Variants in SLC35E2B observed in about 807,000 individuals in gnomAD.
SLC35E2B encodes the protein solute carrier family 35 member E2B, also known as solute carrier family 35, member E2B.
SLC35E2B carries 18 observed loss-of-function variants against 32.4 expected under a neutral mutation model. The ratio of observed to expected loss-of-function variants is 0.56; its 90% CI spans 0.38 to 0.82. The LOEUF (loss-of-function observed/expected upper bound fraction) is 0.82, where lower values mean the gene tolerates loss of function less well. Ranked by LOEUF, SLC35E2B falls within the 40% of genes least tolerant of loss-of-function variation. The pLI is 0.00. For synonymous variants in SLC35E2B, 132 were observed against 209.1 expected (o/e 0.63, Z 3.18); for missense variants, 263 against 469.5 (o/e 0.56, Z 4.06).
chr1:1,682,521 T>C, intron 2 of SLC35E2B, among the ~76,000 whole-genome samples: 1 of 151,956 alleles, frequency 6.6e-6, no homozygotes, highest in South Asian at 2.1e-4. Context: ...GAGGGACGAA[T>C]CACAGACAGA....
intron 6 of SLC35E2B, 61 bp downstream of exon 6, chr1:1,671,448 A>C (rs763284111): frequency 1.5e-6 from 2 of 1,340,840 alleles, no homozygotes; most frequent in African/African-American, 1.5e-5. Context: ...GAATCTGCAC[A>C]CCCAGATGCA....
chr1:1,689,987 A>C (rs1319269028), intron 2 of SLC35E2B, among the ~76,000 whole-genome samples: 3 of 133,370 alleles, frequency 2.2e-5, no homozygotes, highest in Non-Finnish European at 5.0e-5. Flanking sequence ...ACCCTGTCTC[A>C]AAAAAAAAAA....
chr1:1,679,871 A>G (rs974974864), intron 2 of SLC35E2B, among the ~76,000 whole-genome samples: 50 of 150,548 alleles, frequency 3.3e-4, no homozygotes, highest in African/African-American at 9.8e-4. Flanking sequence ...GATGGCTCAC[A>G]CCTGTAATCC....
At chr1:1,679,124 A>G (rs1015638265) in intron 2 of SLC35E2B, among the ~76,000 whole-genome samples, 1 of 152,136 alleles carries the variant, frequency 6.6e-6, no homozygotes, top group East Asian at 1.9e-4. Context: ...AGGCTCTGCC[A>G]CCACCAGCGA....
At position 1,665,582 on chromosome 1, in the gene SLC35E2B, TCTACTCCA is replaced by T; in HGVS notation, c.*192_*199del. On this transcript the variant is annotated 3_prime_UTR_variant, in exon 10 of 10. Coordinates refer to ENST00000617444, the MANE Select transcript of SLC35E2B (RefSeq NM_001290264.2). ...GACACAGTCAGCTACTGGTCTGGTCTCTACTCCAGGAAGCTGATACCTGGAATCCCCAG... is the reference window on the plus strand; with the variant it reads ...GACACAGTCAGCTACTGGTCTGGTCTGGAAGCTGATACCTGGAATCCCCAG... 1 of 795,744 alleles carries T rather than the reference TCTACTCCA, an allele frequency of 1.3e-6. No homozygotes were observed. The highest frequency in any genetic ancestry group is 1.7e-5 in the African/African-American group (1 of 57,600). The allele number at this position is 795,744 out of a possible 1,614,324, so 49.3% of individuals were successfully genotyped here.
chr1:1,685,746 G>A (rs1024063066), intron 2 of SLC35E2B, among the ~76,000 whole-genome samples: 5 of 152,132 alleles, frequency 3.3e-5, no homozygotes, highest in African/African-American at 9.7e-5. Context: ...ATGTGGGTAC[G>A]CAGGTGATGG....
chr1:1,681,370 T>G (rs4076580), intron 2 of SLC35E2B, among the ~76,000 whole-genome samples: 16,551 of 146,830 alleles, frequency 0.11, 1,222 homozygotes, highest in Non-Finnish European at 0.17. Context: ...GCTAATTTTG[T>G]TTTTTTTTGT....
intron 2 of SLC35E2B, among the ~76,000 whole-genome samples, chr1:1,684,102 G>A (rs1038415034): frequency 1.3e-5 from 2 of 152,092 alleles, no homozygotes; most frequent in Non-Finnish European, 2.9e-5. Context: ...GGGCCGCAGG[G>A]TAGACACTCA....
In SLC35E2B at chr1:1,664,950, G is replaced by A. The variant is rs920548692; in HGVS notation, c.*832C>T. 2.1e-6 allele frequency: 2 copies of A among 960,044 alleles called. No individual in the cohort carries two copies. Among genetic ancestry groups the A allele is most frequent in the African/African-American group, 1.8e-5 (1 of 56,060 alleles). 59.5% of individuals were successfully genotyped at this position (960,044 alleles called of 1,614,324 possible). A position where few individuals can be genotyped will look rare whatever the true frequency, so the allele number is the denominator to read the frequency against. On this transcript the variant is annotated 3_prime_UTR_variant, in exon 10 of 10. Transcript: ENST00000617444. ...CATACTCAGAGTCCAAAAAAGAAAA[G>A]GAACGTACACATCTCCTCCCAAGTT...
At chr1:1,674,428 T>C (rs776867789) in intron 5 of SLC35E2B, 5 of 152,052 alleles carry the variant, frequency 3.3e-5, no homozygotes, top group East Asian at 3.8e-4. Flanking sequence ...CTAACGTATA[T>C]TCACAGTGAA....
intron 2 of SLC35E2B, among the ~76,000 whole-genome samples, chr1:1,681,840 C>T (rs1643901836): frequency 1.3e-5 from 2 of 150,764 alleles, no homozygotes. Context: ...AAAAAATTAG[C>T]CAGGCGTGGT....
At chr1:1,669,556 G>C in intron 8 of SLC35E2B, 108 bp downstream of exon 8, 1 of 1,201,820 alleles carries the variant, frequency 8.3e-7, no homozygotes, top group Non-Finnish European at 1.1e-6. Flanking sequence ...AGCGGAGCTG[G>C]GCCCAACCAG....
intron 2 of SLC35E2B, among the ~76,000 whole-genome samples, chr1:1,689,066 G>A (rs1259047074): frequency 7.9e-5 from 12 of 151,938 alleles, no homozygotes; most frequent in Non-Finnish European, 1.8e-4. Flanking sequence ...CAACTACACA[G>A]GAGGCTGAGG....
At chr1:1,669,536 C>T (rs2101094922) in intron 8 of SLC35E2B, 128 bp downstream of exon 8, 18 of 905,554 alleles carry the variant, frequency 2.0e-5, no homozygotes, top group Non-Finnish European at 2.9e-5. Context: ...CTCAGCTAAG[C>T]AGGACCCGCA....
Position 1,670,526 on chromosome 1 carries a change from ACT to A in SLC35E2B, c.708-377_708-376del, listed in dbSNP as rs373732745. 98 of 169,936 alleles carry A rather than the reference ACT, an allele frequency of 5.8e-4. 5 individuals carry two copies. The East Asian group carries it at 8.5e-3, about 15-fold the overall frequency. 10.5% of individuals were successfully genotyped at this position (169,936 alleles called of 1,614,324 possible). On this transcript the variant is annotated intron_variant, in intron 6 of 9. Transcript: ENST00000617444. ...AAGCTCCGCCTCCCAGGTTCACGCC[ACT>A]CTCTTTCCTCGGCCTCCCCAGTAGC...
At chr1:1,687,379 C>G (rs1055238987) in intron 2 of SLC35E2B, among the ~76,000 whole-genome samples, 2 of 151,664 alleles carry the variant, frequency 1.3e-5, no homozygotes, top group Non-Finnish European at 2.9e-5. Flanking sequence ...GAGTTCTAGA[C>G]GAGCCTGGGC....
intron 2 of SLC35E2B, among the ~76,000 whole-genome samples, chr1:1,687,246 GCTCCCAGCGCC>G (rs1160119298): frequency 6.6e-6 from 1 of 152,068 alleles, no homozygotes; most frequent in African/African-American, 2.4e-5. Context: ...TGCACAGCGC[GCTCCCAGCGCC>G]CTAACCTTGG....
At chr1:1,674,867 C>G (rs543170390) in intron 5 of SLC35E2B, among the ~76,000 whole-genome samples, 1 of 152,168 alleles carries the variant, frequency 6.6e-6, no homozygotes, top group African/African-American at 2.4e-5. Flanking sequence ...CAAGACGCCG[C>G]GCTCTGTGGG....
At chr1:1,678,931 A>G (rs969160614) in intron 2 of SLC35E2B, among the ~76,000 whole-genome samples, 1 of 152,174 alleles carries the variant, frequency 6.6e-6, no homozygotes, top group South Asian at 2.1e-4. Flanking sequence ...AAATCCAACA[A>G]CAAAGGGTGC....
Sources: gnomAD v4.1 joint callset for allele counts (sites outside exome capture counted in the v4.1 genomes callset) on GRCh38, gnomAD v4.1.1 for gene constraint, MANE v1.5 for transcripts, NCBI Gene and HGNC (gene_info 2026-07-23, HGNC 2026-07-21) for gene names.